Variants in CTBP2 observed in about 807,000 individuals in gnomAD.
CTBP2 encodes C-terminal-binding protein 2.
Under a neutral mutation model 80.3 loss-of-function variants are expected in CTBP2, and 30 were observed. The observed-to-expected ratio is 0.37, with a 90% CI of 0.28 to 0.51. CTBP2 has a LOEUF of 0.51. Ranked by LOEUF, CTBP2 falls within the 20% of genes least tolerant of loss-of-function variation. CTBP2 has a pLI of 0.93. For missense variants in CTBP2, 1,212 were observed against 1,375.3 expected, an observed-to-expected ratio of 0.88 and a Z score of 1.88; for synonymous variants, 594 against 587.4, an observed-to-expected ratio of 1.01 and a Z score of -0.16.
At chr10:125,099,988 G>C (rs112948225) in intron 2 of CTBP2, among the ~76,000 whole-genome samples, 3 of 152,286 alleles carry the variant, frequency 2.0e-5, no homozygotes, top group East Asian at 1.9e-4. Flanking sequence ...CCAAGTCCTG[G>C]GGGGGCGGAC....
intron 8 of CTBP2, among the ~76,000 whole-genome samples, chr10:124,990,792 C>G (rs923853250): frequency 2.0e-5 from 3 of 152,140 alleles, no homozygotes; most frequent in Non-Finnish European, 2.9e-5. Flanking sequence ...ACAAGGGAGT[C>G]TAGTCAGTGC....
chr10:125,059,869 G>C lies in CTBP2; in HGVS notation c.-101-20714C>G, dbSNP rs377229184. Among the ~76,000 whole-genome samples the C allele has an allele frequency of 1.0e-3, 153 of 152,240 alleles. 1 individual carries two copies. The South Asian group carries it at 0.029, about 29-fold the overall frequency. The stretch of plus-strand genomic sequence containing the variant: ...GAGTCAGGAAGGGGCCTGTTTGGGA[G>C]CTTGTGTTGGGTCTGGCTTTGCTGA... On this transcript the variant is annotated intron_variant, in intron 2 of 10. Transcript: ENST00000337195.
chr10:125,025,738 C>CT (rs1319482449), intron 1 of CTBP2, among the ~76,000 whole-genome samples: 1 of 152,212 alleles, frequency 6.6e-6, no homozygotes, highest in Non-Finnish European at 1.5e-5. Flanking sequence ...AGGGCCACCC[C>CT]TCGTGAGCTC....
intron 1 of CTBP2, among the ~76,000 whole-genome samples, chr10:125,138,664 G>T (rs551751757): frequency 1.4e-5 from 2 of 140,520 alleles, no homozygotes; most frequent in South Asian, 2.2e-4. Flanking sequence ...AAGCCAAATG[G>T]TTAAAAAAAA....
chr10:125,107,164 G>C (rs1306241321), intron 2 of CTBP2, among the ~76,000 whole-genome samples: 1 of 152,204 alleles, frequency 6.6e-6, no homozygotes, highest in Non-Finnish European at 1.5e-5. Context: ...CCCCTACTCC[G>C]AAGGCTGGCT....
At chr10:125,050,622 G>A (rs2135187345) in intron 2 of CTBP2, among the ~76,000 whole-genome samples, 1 of 152,292 alleles carries the variant, frequency 6.6e-6, no homozygotes, top group Non-Finnish European at 1.5e-5. Context: ...GAAGGGTGGG[G>A]GTGCGGCTCA....
At chr10:125,024,566 T>C (rs1303493596) in intron 1 of CTBP2, among the ~76,000 whole-genome samples, 2 of 152,252 alleles carry the variant, frequency 1.3e-5, no homozygotes, top group Non-Finnish European at 2.9e-5. Context: ...AGGTTCCTCC[T>C]TCGGCAAAAC....
chr10:125,057,924 G>GC (rs1229300650), intron 2 of CTBP2, among the ~76,000 whole-genome samples: 2 of 152,128 alleles, frequency 1.3e-5, no homozygotes, highest in Non-Finnish European at 2.9e-5. Context: ...CTGTCCACAG[G>GC]CCCCCAAGAG....
At chr10:125,016,668 G>A (rs923623998) in intron 1 of CTBP2, among the ~76,000 whole-genome samples, 4 of 152,216 alleles carry the variant, frequency 2.6e-5, no homozygotes, top group Admixed American at 6.5e-5. Context: ...ACTGCTGTCC[G>A]GCAGGCCAAG....
At position 125,141,470 on chromosome 10, in the gene CTBP2, C is replaced by T. The variant is rs1052746844; in HGVS notation, c.-206+18849G>A. Among the ~76,000 whole-genome samples the T allele has an allele frequency of 5.9e-5, 9 of 152,272 alleles. No individual in the cohort carries two copies. The South Asian group carries it at 1.2e-3, about 21-fold the overall frequency. ...CTCATTCCTCTGGGCTTTCCACAAA[C>T]CACCCTTCTTGACCACAAAAAGGTG... On this transcript the variant is annotated intron_variant, in intron 1 of 10. Transcript: ENST00000337195.
intron 1 of CTBP2, among the ~76,000 whole-genome samples, chr10:125,018,553 C>CA (rs1956733290): frequency 3.2e-4 from 32 of 99,570 alleles, no homozygotes; most frequent in African/African-American, 9.7e-4. Flanking sequence ...CCAAACCAAC[C>CA]AACAAACAAA....
At chr10:125,084,679 G>A (rs111230638) in intron 2 of CTBP2, among the ~76,000 whole-genome samples, 2,417 of 152,222 alleles carry the variant, frequency 0.016, 62 homozygotes, top group African/African-American at 0.054. Flanking sequence ...CTCCTTGCCC[G>A]TTCTGTGTCC....
At chr10:125,074,976 A>G (rs1410658725) in intron 2 of CTBP2, among the ~76,000 whole-genome samples, 1 of 152,230 alleles carries the variant, frequency 6.6e-6, no homozygotes, top group Non-Finnish European at 1.5e-5. Context: ...ATAGGTGGGA[A>G]CCTGGACTCC....
chr10:125,099,092 G>C (rs142171213), intron 2 of CTBP2, among the ~76,000 whole-genome samples: 1 of 152,184 alleles, frequency 6.6e-6, no homozygotes, highest in Admixed American at 6.5e-5. Flanking sequence ...GGTCAGGCAC[G>C]TTCAGTACGC....
intron 1 of CTBP2, among the ~76,000 whole-genome samples, chr10:125,152,724 A>G (rs1181712890): frequency 6.6e-6 from 1 of 152,128 alleles, no homozygotes; most frequent in Non-Finnish European, 1.5e-5. Flanking sequence ...CTATTCCGTA[A>G]TCTGAAAGCC....
In CTBP2 at chr10:125,060,002, C is replaced by A. The variant is rs946695112; in HGVS notation, c.-101-20847G>T. ...GTCTGACACACCTGAGCCTGCCCCA[C>A]TGCCCATCCCTGGAGTCATCCTTCC... On this transcript the variant is annotated intron_variant, in intron 2 of 10. Transcript: ENST00000337195. Among the ~76,000 whole-genome samples the A allele has an allele frequency of 2.1e-4, 32 of 152,380 alleles. 1 individual carries two copies. The East Asian group carries it at 5.8e-3, about 28-fold the overall frequency.
chr10:125,063,477 C>T (rs928121140), intron 2 of CTBP2, among the ~76,000 whole-genome samples: 4 of 152,142 alleles, frequency 2.6e-5, no homozygotes, highest in South Asian at 4.1e-4. Flanking sequence ...TCGACTCGTG[C>T]GAAAGGCCTC....
chr10:124,987,217 A>ATGAT lies in CTBP2; in HGVS notation c.*2297_*2300dup, dbSNP rs1952072855. ...GATAGAATATAGTCCTTTTTCAAAG[A>ATGAT]TGATTATACGTGGCTAGGTGACAGA... On this transcript the variant is annotated 3_prime_UTR_variant, in exon 9 of 9. Coordinates refer to ENST00000309035, the MANE Select transcript of CTBP2 (RefSeq NM_022802.3). 1 of 152,576 alleles carries ATGAT rather than the reference A, an allele frequency of 6.6e-6. No individual in the cohort carries two copies. The highest frequency in any genetic ancestry group is 1.5e-5 in the Non-Finnish European group (1 of 68,022). 9.5% of individuals were successfully genotyped at this position (152,576 alleles called of 1,614,324 possible).
chr10:125,056,308 A>G (rs185282231), intron 2 of CTBP2, among the ~76,000 whole-genome samples: 1 of 152,368 alleles, frequency 6.6e-6, no homozygotes, highest in East Asian at 1.9e-4. Context: ...ACAATGCATA[A>G]GCAGCCAGCA....
Sources: allele counts gnomAD v4.1 joint callset (sites outside exome capture counted in the v4.1 genomes callset), GRCh38; gene constraint gnomAD v4.1.1; transcripts MANE v1.5; gene names NCBI Gene and HGNC (gene_info 2026-07-23, HGNC 2026-07-21).